The following ZFPM2 variants were observed in gnomAD, a reference collection of about 807,000 sequenced individuals.
The protein encoded by ZFPM2 is zinc finger protein ZFPM2.
Under a neutral mutation model 98.6 loss-of-function variants are expected in ZFPM2, and 20 were observed. That is an observed-to-expected ratio of 0.20 (90% CI 0.14 to 0.29). The LOEUF (loss-of-function observed/expected upper bound fraction) is 0.29, where lower values mean the gene tolerates loss of function less well. Among genes scored for constraint, ZFPM2 ranks in the 10% least tolerant of loss-of-function variants. The probability of loss-of-function intolerance (pLI) is 1.00; values close to 1 mark genes in which losing one functional copy is unlikely to be tolerated. For missense variants in ZFPM2, 1,310 were observed against 1,388.6 expected (o/e 0.94, Z 0.90); for synonymous variants, 518 against 502.7 (o/e 1.03, Z -0.41).
intron 2 of ZFPM2, among the ~76,000 whole-genome samples, chr8:105,440,407 A>C (rs1275707501): frequency 6.6e-6 from 1 of 152,062 alleles, no homozygotes; most frequent in South Asian, 2.1e-4. Context: ...AAGTGAGTCA[A>C]TTTAAATAAA....
intron 1 of ZFPM2, among the ~76,000 whole-genome samples, chr8:105,330,965 G>GT (rs947050785): frequency 1.3e-5 from 2 of 150,804 alleles, no homozygotes; most frequent in African/African-American, 2.4e-5. Context: ...TAGTATTTCA[G>GT]TTTTTTTGTG....
chr8:105,802,687 T>C lies in ZFPM2; in HGVS notation c.2605T>C (p.Tyr869His), dbSNP rs755758373. 6.2e-7 allele frequency: 1 copy of C among 1,611,336 alleles called. No individual in the cohort carries two copies. Among genetic ancestry groups the C allele is most frequent in the Non-Finnish European group, 8.5e-7 (1 of 1,178,736 alleles). Residue 869 changes from tyrosine to histidine, a missense_variant, in exon 8 of 8, where the codon TAT becomes CAT. Transcript: ENST00000407775. ...CKISFNKVEN[Y>H]LAHKQNFCPV... ...GATCAGTTTCAATAAGGTAGAAAACTATCTGGCCCACAAGCAGAATTTCTG... is the reference window on the plus strand; with the variant it reads ...GATCAGTTTCAATAAGGTAGAAAACCATCTGGCCCACAAGCAGAATTTCTG...
chr8:105,739,725 G>GT (rs1331732460), intron 5 of ZFPM2, among the ~76,000 whole-genome samples: 3 of 150,606 alleles, frequency 2.0e-5, no homozygotes, highest in Non-Finnish European at 4.4e-5. Flanking sequence ...TTTGTTTTTT[G>GT]TTTTTTGTTT....
At chr8:105,732,628 TTGGAACCAATTTC>T (rs1189992037) in intron 5 of ZFPM2, among the ~76,000 whole-genome samples, 1 of 151,862 alleles carries the variant, frequency 6.6e-6, no homozygotes, top group Non-Finnish European at 1.5e-5. Flanking sequence ...AATTTCATTT[TTGGAACCAATTTC>T]TAACAGTGTA....
chr8:105,467,988 A>G (rs1424303516), intron 3 of ZFPM2, among the ~76,000 whole-genome samples: 1 of 151,904 alleles, frequency 6.6e-6, no homozygotes, highest in Non-Finnish European at 1.5e-5. Context: ...TAAAGAGAGA[A>G]CCCCTCATTT....
intron 3 of ZFPM2, among the ~76,000 whole-genome samples, chr8:105,475,397 C>G (rs1812993374): frequency 6.6e-6 from 1 of 152,180 alleles, no homozygotes; most frequent in Admixed American, 6.5e-5. Context: ...ACCCCGTGCA[C>G]ATAAATAAAT....
At chr8:105,554,253 A>T (rs1483754460) in intron 3 of ZFPM2, among the ~76,000 whole-genome samples, 4 of 152,208 alleles carry the variant, frequency 2.6e-5, no homozygotes, top group Non-Finnish European at 5.9e-5. Context: ...AAACATGGTT[A>T]TTAATGCCTG....
rs186668145 is a variant in ZFPM2, at chr8:105,392,978, G to T, written c.41-26166G>T. Among the ~76,000 whole-genome samples, 14 of 152,214 alleles carry T rather than the reference G, an allele frequency of 9.2e-5. 1 individual carries two copies. In the Middle Eastern group the frequency reaches 0.01, roughly 111 times the overall value. On this transcript the variant is annotated intron_variant, in intron 1 of 7. Coordinates refer to ENST00000407775, the MANE Select transcript of ZFPM2 (RefSeq NM_012082.4). ...AAGGCTGCCTTTTCATTAGCATGTG[G>T]TTCAAAGGCATGGAATAATAACTGG...
intron 4 of ZFPM2, among the ~76,000 whole-genome samples, chr8:105,578,175 AAGG>A (rs1240502593): frequency 6.6e-6 from 1 of 152,118 alleles, no homozygotes; most frequent in Non-Finnish European, 1.5e-5. Context: ...AGAGCTTTGA[AAGG>A]AGAAGCATGA....
At chr8:105,457,066 AC>A (rs1812607599) in intron 3 of ZFPM2, among the ~76,000 whole-genome samples, 1 of 152,206 alleles carries the variant, frequency 6.6e-6, no homozygotes, top group Admixed American at 6.5e-5. Context: ...TTGATATATT[AC>A]ATTTGCTAAC....
intron 1 of ZFPM2, among the ~76,000 whole-genome samples, chr8:105,330,623 T>TAC (rs1563607011): frequency 3.3e-4 from 30 of 89,854 alleles, no homozygotes; most frequent in African/African-American, 1.1e-3. Flanking sequence ...CATATATATA[T>TAC]ATATATATAC....
intron 4 of ZFPM2, among the ~76,000 whole-genome samples, chr8:105,586,384 A>G (rs1034606518): frequency 1.3e-5 from 2 of 151,768 alleles, no homozygotes; most frequent in African/African-American, 4.8e-5. Flanking sequence ...AGAGAAGTAC[A>G]CGCAACCGAG....
At position 105,534,006 on chromosome 8, in the gene ZFPM2, T is replaced by TCCTTCCTTCTTC. The variant is rs1563704234; in HGVS notation, c.302-27350_302-27349insTCTTCCCTTCCT. Among the ~76,000 whole-genome samples the TCCTTCCTTCTTC allele has an allele frequency of 7.3e-5, 2 of 27,378 alleles. 1 individual carries two copies. Among genetic ancestry groups the TCCTTCCTTCTTC allele is most frequent in the African/African-American group, 6.0e-4 (2 of 3,336 alleles). 18.0% of individuals were successfully genotyped at this position (27,378 alleles called of 152,430 possible). A position where few individuals can be genotyped will look rare whatever the true frequency, so the allele number is the denominator to read the frequency against. ...CTCCTTCCCTCCCTCTCTCCTTCCT[T>TCCTTCCTTCTTC]CCTTCCTCCCTTCTTCCCTTCCTCC... On this transcript the variant is annotated intron_variant, in intron 3 of 7. Coordinates refer to ENST00000407775, the MANE Select transcript of ZFPM2 (RefSeq NM_012082.4).
chr8:105,709,518 C>T (rs1811331823), intron 5 of ZFPM2, among the ~76,000 whole-genome samples: 1 of 152,050 alleles, frequency 6.6e-6, no homozygotes, highest in Non-Finnish European at 1.5e-5. Context: ...GATTACACAG[C>T]TCAGCTCAAC....
rs560366776 is a variant in ZFPM2 at position 105,364,477 on chromosome 8, C to T, written c.40+45496C>T. Among the ~76,000 whole-genome samples, 7 of 152,022 alleles carry T rather than the reference C, an allele frequency of 4.6e-5. No individual in the cohort carries two copies. The South Asian group carries it at 1.5e-3, about 32-fold the overall frequency. On this transcript the variant is annotated intron_variant, in intron 1 of 7. Transcript: ENST00000407775. Reference sequence around the variant, plus strand: ...ATTTTATATATATTCATCTCAACTACAAATTAGTAAAGATCTTATATTCAA... The same window carrying T: ...ATTTTATATATATTCATCTCAACTATAAATTAGTAAAGATCTTATATTCAA...
At chr8:105,645,190 A>G (rs1475101667) in intron 5 of ZFPM2, among the ~76,000 whole-genome samples, 1 of 152,190 alleles carries the variant, frequency 6.6e-6, no homozygotes, top group Non-Finnish European at 1.5e-5. Context: ...TATGATGTCT[A>G]TTTAATAATA....
At chr8:105,600,613 G>T (rs1451035124) in intron 4 of ZFPM2, among the ~76,000 whole-genome samples, 2 of 151,934 alleles carry the variant, frequency 1.3e-5, no homozygotes, top group Admixed American at 6.6e-5. Flanking sequence ...GTTAATGCAA[G>T]TTAAAAAGCA....
At chr8:105,490,018 G>A (rs1293192904) in intron 3 of ZFPM2, among the ~76,000 whole-genome samples, 1 of 152,012 alleles carries the variant, frequency 6.6e-6, no homozygotes, top group Non-Finnish European at 1.5e-5. Context: ...GGAGGCCAAG[G>A]TGGGTGGATC....
At chr8:105,455,802 G>T (rs918517167) in intron 3 of ZFPM2, among the ~76,000 whole-genome samples, 3 of 152,214 alleles carry the variant, frequency 2.0e-5, no homozygotes, top group Non-Finnish European at 4.4e-5. Flanking sequence ...TATGGAGTAA[G>T]ATGATGAGTT....
Sources: gnomAD v4.1 joint callset for allele counts (sites outside exome capture counted in the v4.1 genomes callset) on GRCh38, gnomAD v4.1.1 for gene constraint, MANE v1.5 for transcripts, NCBI Gene and HGNC (gene_info 2026-07-23, HGNC 2026-07-21) for gene names.